CELF3: variants seen among roughly 807,000 people sequenced by gnomAD.
CELF3 encodes CAG repeat domain.
Under a neutral mutation model 59.6 loss-of-function variants are expected in CELF3, and 26 were observed. The observed-to-expected ratio is 0.44, with a 90% CI of 0.32 to 0.61. The LOEUF (loss-of-function observed/expected upper bound fraction) is 0.61, where lower values mean the gene tolerates loss of function less well. Among genes scored for constraint, CELF3 ranks in the 20% least tolerant of loss-of-function variants. The pLI, the probability that CELF3 is intolerant of heterozygous loss-of-function variation, is 0.06. For synonymous variants in CELF3, 245 were observed against 250.7 expected (o/e 0.98, Z 0.22); for missense variants, 387 against 627.2 (o/e 0.62, Z 4.09).
Position 151,701,920 on chromosome 1 carries a change from T to C in CELF3, c.*1539A>G, listed in dbSNP as rs1308148. On this transcript the variant is annotated 3_prime_UTR_variant, in exon 13 of 13. Coordinates refer to ENST00000290583, the MANE Select transcript of CELF3 (RefSeq NM_007185.7). ...CTTGAGTGACAGAGTGAGACCCTGT[T>C]TCAAAGTAAATAAGTAAAATAAATA... Among the ~76,000 whole-genome samples, 64,206 of 152,006 alleles carry C rather than the reference T, an allele frequency of 0.42. 14,623 individuals carry two copies. The highest frequency in any genetic ancestry group is 0.62 in the East Asian group (3,182 of 5,158).
Position 151,705,754 on chromosome 1 carries a change from C to A in CELF3, c.1270+68G>T. The A allele has an allele frequency of 6.5e-7, 1 of 1,531,870 alleles. No homozygotes were observed. Among genetic ancestry groups the A allele is most frequent in the Non-Finnish European group, 8.9e-7 (1 of 1,119,082 alleles). The allele number at this position is 1,531,870 out of a possible 1,614,324, so 94.9% of individuals were successfully genotyped here. A position where few individuals can be genotyped will look rare whatever the true frequency, so the allele number is the denominator to read the frequency against. On this transcript the variant is annotated intron_variant, in intron 11 of 12. Transcript: ENST00000290583. This position sits in a 1 kb window ranked among gnomAD's most constrained non-coding sequence, Gnocchi z 5.1. ...ACTGGGTCCACTGTGACCATAAATG[C>A]CTTCAAATATATTAGACCTTGTCCT...
intron 1 of CELF3, 35 bp from the exon 2 acceptor site, chr1:151,714,711 G>C (rs112842239): frequency 7.0e-7 from 1 of 1,434,480 alleles, no homozygotes; most frequent in Non-Finnish European, 9.6e-7. Context: ...ACACGGCGGG[G>C]GGTGAGTCCT....
chr1:151,707,396 C>T (rs562073629), intron 7 of CELF3, 102 bp from the exon 8 acceptor site: 2 of 1,541,646 alleles, frequency 1.3e-6, no homozygotes, highest in East Asian at 2.3e-5. Context: ...AAGCAGGCCT[C>T]TCTGACCCCT....
Position 151,716,405 on chromosome 1 carries a change from G to A in CELF3, c.-385C>T, listed in dbSNP as rs1673482096. 1 of 266,984 alleles carries A rather than the reference G, an allele frequency of 3.7e-6. No homozygotes were observed. The highest frequency in any genetic ancestry group is 7.4e-6 in the Non-Finnish European group (1 of 135,582). 16.5% of individuals were successfully genotyped at this position (266,984 alleles called of 1,614,324 possible). A position where few individuals can be genotyped will look rare whatever the true frequency, so the allele number is the denominator to read the frequency against. On this transcript the variant is annotated 5_prime_UTR_variant, in exon 1 of 13. Transcript: ENST00000290583. ...GGGAGTTGAGATGAGAGCTGGAGGC[G>A]GGGAAAGGGCCTGAGGAGGGTGATG...
At position 151,716,253 on chromosome 1, in the gene CELF3, G is replaced by C; in HGVS notation, c.-233C>G. On this transcript the variant is annotated 5_prime_UTR_variant, in exon 1 of 13. Coordinates refer to ENST00000290583, the MANE Select transcript of CELF3 (RefSeq NM_007185.7). ...GCAGACGCTGTCATGCCACCAGGGG[G>C]CATCGCCTAAACAAACGATCTCCCT... The C allele has an allele frequency of 2.0e-6, 1 of 488,040 alleles. No individual in the cohort carries two copies. Among genetic ancestry groups the C allele is most frequent in the Non-Finnish European group, 3.6e-6 (1 of 276,306 alleles). 30.2% of individuals were successfully genotyped at this position (488,040 alleles called of 1,614,324 possible).
rs1476601422 is a variant in CELF3, at chr1:151,715,585, T to C, written c.145+291A>G. On this transcript the variant is annotated intron_variant, in intron 1 of 12. Coordinates refer to ENST00000290583, the MANE Select transcript of CELF3 (RefSeq NM_007185.7). ...CAAACCAGCTCTCTTGTCCCTCCAT[T>C]CTTTCTTGAGTTCATCCCATGACAT... 4 of 1,398,584 alleles carry C rather than the reference T, an allele frequency of 2.9e-6. No individual in the cohort carries two copies. In the South Asian group the frequency reaches 4.9e-5, roughly 17 times the overall value. 86.6% of individuals were successfully genotyped at this position (1,398,584 alleles called of 1,614,324 possible).
rs369162954 is a variant in CELF3, at chr1:151,707,186, G to A, written c.881C>T (p.Ala294Val). ...PVPTQPTGQPAPDALYPNGVH... is the reference protein window; with the variant it reads ...PVPTQPTGQPVPDALYPNGVH... ...CCCGTTGGGATACAGAGCATCAGGGGCAGGCTGCCCAGTGGGCTGGGTGGG... is the reference window on the plus strand; with the variant it reads ...CCCGTTGGGATACAGAGCATCAGGGACAGGCTGCCCAGTGGGCTGGGTGGG... Residue 294 changes from alanine (A) to valine (V), a missense_variant, in exon 8 of 13, where the codon GCC becomes GTC. By Grantham distance (64) the Ala-to-Val change is moderately conservative. Transcript: ENST00000290583. 6.5e-7 allele frequency: 1 copy of A among 1,533,544 alleles called. No homozygotes were observed. The highest frequency in any genetic ancestry group is 8.7e-7 in the Non-Finnish European group (1 of 1,146,424). The allele number at this position is 1,533,544 out of a possible 1,614,324, so 95.0% of individuals were successfully genotyped here.
At position 151,709,691 on chromosome 1, in the gene CELF3, C is replaced by CT; in HGVS notation, c.277+51dup. On this transcript the variant is annotated intron_variant, in intron 3 of 12. Transcript: ENST00000290583. The surrounding 1 kb of genome is among the most constrained non-coding windows in gnomAD (Gnocchi z 4.9). ...GGCTACCCCTCGACAACTCCAGGCC[C>CT]TGGGCCTGGGGGTGGGAGGAGAGGG... is the stretch of plus-strand genomic sequence containing the variant. 6.3e-7 allele frequency: 1 copy of CT among 1,577,324 alleles called. No homozygotes were observed. The highest frequency in any genetic ancestry group is 2.2e-5 in the East Asian group (1 of 44,694).
intron 2 of CELF3, among the ~76,000 whole-genome samples, chr1:151,712,226 G>C (rs1673085061): frequency 6.6e-6 from 1 of 152,090 alleles, no homozygotes; most frequent in Non-Finnish European, 1.5e-5. Flanking sequence ...GCCCTCCCTC[G>C]GGCCTCCCAA....
chr1:151,710,276 G>GC (rs1672902629), intron 2 of CELF3: 2 of 238,804 alleles, frequency 8.4e-6, no homozygotes, highest in Admixed American at 5.0e-5. Flanking sequence ...CTCTCTTTCT[G>GC]CCCCCCTATA....
At position 151,709,528 on chromosome 1, in the gene CELF3, G is replaced by T. The variant is rs1331448474; in HGVS notation, c.278-180C>A. The T allele has an allele frequency of 5.1e-6, 5 of 987,610 alleles. No homozygotes were observed. Among genetic ancestry groups the T allele is most frequent in the Non-Finnish European group, 6.1e-6 (4 of 654,150 alleles). The allele number at this position is 987,610 out of a possible 1,614,324, so 61.2% of individuals were successfully genotyped here. ...TGCAGAGGGTGCTCATCCCAGCTCT[G>T]AGGGACTCGCACTCCACCCTGGGCC... On this transcript the variant is annotated intron_variant, in intron 3 of 12. Coordinates refer to ENST00000290583, the MANE Select transcript of CELF3 (RefSeq NM_007185.7). The surrounding 1 kb of genome is among the most constrained non-coding windows in gnomAD (Gnocchi z 4.9).
In CELF3 at chr1:151,705,017, G is replaced by A. The variant is rs773867188; in HGVS notation, c.*10+14C>T. On this transcript the variant is annotated intron_variant, in intron 12 of 12. Coordinates refer to ENST00000290583, the MANE Select transcript of CELF3 (RefSeq NM_007185.7). This position sits in a 1 kb window ranked among gnomAD's most constrained non-coding sequence, Gnocchi z 5.1. ...TGAAGCTGGGGAGGGAGGCCACAAC[G>A]GAGCGGGACCCACCTGGGGGCCCTC... is the stretch of plus-strand genomic sequence containing the variant. 2.4e-5 allele frequency: 38 copies of A among 1,599,952 alleles called. No individual in the cohort carries two copies. Among genetic ancestry groups the A allele is most frequent in the Middle Eastern group, 1.8e-4 (1 of 5,632 alleles).
intron 2 of CELF3, among the ~76,000 whole-genome samples, chr1:151,713,027 C>T (rs1673157412): frequency 6.6e-6 from 1 of 152,238 alleles, no homozygotes; most frequent in Non-Finnish European, 1.5e-5. Context: ...CAGACATCTG[C>T]TCCCCACAAC....
At chr1:151,708,305 C>T in intron 5 of CELF3, 2 of 228,416 alleles carry the variant, frequency 8.8e-6, no homozygotes, top group African/African-American at 2.3e-5. Context: ...GCCCTGCGTG[C>T]CTTACCACGA....
intron 2 of CELF3, among the ~76,000 whole-genome samples, chr1:151,712,903 G>A (rs1328228448): frequency 1.3e-5 from 2 of 152,018 alleles, no homozygotes; most frequent in African/African-American, 2.4e-5. Flanking sequence ...ACATGCGTGT[G>A]CATGCACACA....
chr1:151,714,237 TG>T (rs1395736119), intron 2 of CELF3, among the ~76,000 whole-genome samples: 1 of 152,112 alleles, frequency 6.6e-6, no homozygotes, highest in African/African-American at 2.4e-5. Context: ...AAAGAGTGCC[TG>T]GGTGCCCCCT....
chr1:151,703,381 T>G lies in CELF3; in HGVS notation c.*78A>C, dbSNP rs1672232005. On this transcript the variant is annotated 3_prime_UTR_variant, in exon 13 of 13. Transcript: ENST00000290583. Reference sequence around the variant, plus strand: ...ACCCAGTCAAGGCCCAGGGCAGGTGTGCGGAGAGGGCCGGGGCCAGTCGTG... The same window carrying G: ...ACCCAGTCAAGGCCCAGGGCAGGTGGGCGGAGAGGGCCGGGGCCAGTCGTG... 1 of 414,830 alleles carries G rather than the reference T, an allele frequency of 2.4e-6. No homozygotes were observed. The highest frequency in any genetic ancestry group is 4.9e-6 in the Non-Finnish European group (1 of 205,354). 25.7% of individuals were successfully genotyped at this position (414,830 alleles called of 1,614,324 possible).
In CELF3 at chr1:151,716,100, G is replaced by T; in HGVS notation, c.-80C>A. The stretch of plus-strand genomic sequence containing the variant: ...GGGGAGCTGCCCAGCAAGGAGATAA[G>T]TGGTGGGGCCCGGGGGCCCAGCTGG... On this transcript the variant is annotated 5_prime_UTR_variant, in exon 1 of 13. Coordinates refer to ENST00000290583, the MANE Select transcript of CELF3 (RefSeq NM_007185.7). 6.9e-7 allele frequency: 1 copy of T among 1,450,574 alleles called. No homozygotes were observed. The highest frequency in any genetic ancestry group is 9.2e-7 in the Non-Finnish European group (1 of 1,086,166). 89.9% of individuals were successfully genotyped at this position (1,450,574 alleles called of 1,614,324 possible). A position where few individuals can be genotyped will look rare whatever the true frequency, so the allele number is the denominator to read the frequency against.
chr1:151,704,771 T>TAC (rs1292025699), intron 12 of CELF3, among the ~76,000 whole-genome samples: 1 of 151,778 alleles, frequency 6.6e-6, no homozygotes, highest in East Asian at 1.9e-4. Flanking sequence ...AGTGGACACA[T>TAC]ATATACAAAG....
Sources: gnomAD v4.1 joint callset for allele counts (sites outside exome capture counted in the v4.1 genomes callset) on GRCh38, gnomAD v4.1.1 for gene constraint, Gnocchi (gnomAD v3.1) non-coding constraint, MANE v1.5 for transcripts, NCBI Gene and HGNC (gene_info 2026-07-23, HGNC 2026-07-21) for gene names.